The following PTPRM variants were observed in gnomAD, a reference collection of about 807,000 sequenced individuals.
PTPRM encodes the protein receptor-type tyrosine-protein phosphatase mu.
Under a neutral mutation model 186.7 loss-of-function variants are expected in PTPRM, and 47 were observed. That is an observed-to-expected ratio of 0.25 (90% confidence interval 0.20 to 0.32). PTPRM has a LOEUF of 0.32. Ranked by LOEUF, PTPRM falls within the 10% of genes least tolerant of loss-of-function variation. PTPRM has a pLI of 1.00. For synonymous variants in PTPRM, 668 were observed against 674.9 expected, an observed-to-expected ratio of 0.99 and a Z score of 0.16; for missense variants, 1,494 against 1,865.0, an observed-to-expected ratio of 0.80 and a Z score of 3.66.
At chr18:7,961,594 A>G (rs973680693) in intron 7 of PTPRM, among the ~76,000 whole-genome samples, 3 of 152,262 alleles carry the variant, frequency 2.0e-5, no homozygotes, top group Admixed American at 6.5e-5. Context: ...AATGTTTACT[A>G]GTAAAGCATG....
intron 2 of PTPRM, among the ~76,000 whole-genome samples, chr18:7,861,852 AC>A (rs962905062): frequency 2.0e-5 from 3 of 151,914 alleles, no homozygotes; most frequent in African/African-American, 2.4e-5. Flanking sequence ...CTACTCTCTT[AC>A]CCCCACCCTG....
intron 1 of PTPRM, among the ~76,000 whole-genome samples, chr18:7,602,228 A>G (rs1414509449): frequency 6.6e-6 from 1 of 152,178 alleles, no homozygotes; most frequent in East Asian, 1.9e-4. Context: ...TGTTTCTACC[A>G]CTAAGTTGGT....
At chr18:7,902,834 C>CTTT (rs34332223) in intron 3 of PTPRM, among the ~76,000 whole-genome samples, 3,537 of 130,024 alleles carry the variant, frequency 0.027, 154 homozygotes, top group African/African-American at 0.079. Context: ...TCTTCTCTGC[C>CTTT]TTTTTTTTTT....
At chr18:8,265,421 T>G (rs975387174) in intron 19 of PTPRM, among the ~76,000 whole-genome samples, 7 of 152,220 alleles carry the variant, frequency 4.6e-5, no homozygotes, top group African/African-American at 1.7e-4. Flanking sequence ...CCTGGGTTAT[T>G]GCGTGGCTGC....
intron 7 of PTPRM, among the ~76,000 whole-genome samples, chr18:8,067,809 G>T (rs553292360): frequency 2.0e-5 from 3 of 152,152 alleles, no homozygotes; most frequent in Non-Finnish European, 4.4e-5. Flanking sequence ...CTGAACTGGG[G>T]AATGTGGCCT....
chr18:8,289,433 T>C lies in PTPRM; in HGVS notation c.2755-6935T>C, dbSNP rs999742060. Among the ~76,000 whole-genome samples, 23 of 131,952 alleles carry C rather than the reference T, an allele frequency of 1.7e-4. 1 individual carries two copies. Among genetic ancestry groups the C allele is most frequent in the Middle Eastern group, 3.7e-3 (1 of 268 alleles). The allele number at this position is 131,952 out of a possible 152,430, so 86.6% of individuals were successfully genotyped here. A position where few individuals can be genotyped will look rare whatever the true frequency, so the allele number is the denominator to read the frequency against. ...ATATACACATATATACGTATATATA[T>C]GTATATATACGTATATATGTATATA... On this transcript the variant is annotated intron_variant, in intron 19 of 32. Coordinates refer to ENST00000580170, the MANE Select transcript of PTPRM (RefSeq NM_001105244.2).
At chr18:7,658,330 T>A (rs988251701) in intron 1 of PTPRM, among the ~76,000 whole-genome samples, 9 of 124,422 alleles carry the variant, frequency 7.2e-5, no homozygotes, top group South Asian at 2.4e-4. Flanking sequence ...TAAAGTAAAT[T>A]TATATATATA....
chr18:8,016,249 G>A (rs2084850972), intron 7 of PTPRM, among the ~76,000 whole-genome samples: 1 of 152,142 alleles, frequency 6.6e-6, no homozygotes. Context: ...GCCAGGAGTA[G>A]TGGCTCACAC....
chr18:8,276,914 G>T (rs1169599398), intron 19 of PTPRM, among the ~76,000 whole-genome samples: 1 of 151,352 alleles, frequency 6.6e-6, no homozygotes, highest in East Asian at 1.9e-4. Flanking sequence ...CAGAAAAAAA[G>T]GATGATTTGT....
intron 10 of PTPRM, among the ~76,000 whole-genome samples, chr18:8,088,451 A>G (rs2090544321): frequency 6.6e-6 from 1 of 152,134 alleles, no homozygotes; most frequent in South Asian, 2.1e-4. Flanking sequence ...TTCACAAGCT[A>G]TGCTCATTTA....
chr18:7,644,832 G>T (rs1302129093), intron 1 of PTPRM, among the ~76,000 whole-genome samples: 1 of 152,122 alleles, frequency 6.6e-6, no homozygotes, highest in African/African-American at 2.4e-5. Context: ...TACAGTAGAA[G>T]ATGATATACG....
At chr18:8,392,537 G>A (rs964654103) in intron 31 of PTPRM, among the ~76,000 whole-genome samples, 2 of 151,968 alleles carry the variant, frequency 1.3e-5, no homozygotes, top group African/African-American at 2.4e-5. Context: ...TGAGGCAGGA[G>A]AATGGCGTGA....
chr18:8,184,240 C>T (rs1392342788), intron 14 of PTPRM, among the ~76,000 whole-genome samples: 2 of 152,158 alleles, frequency 1.3e-5, no homozygotes, highest in Middle Eastern at 3.2e-3. Flanking sequence ...AGCATTTTGC[C>T]ATTCTGGAGC....
At chr18:8,130,953 G>C (rs978536628) in intron 13 of PTPRM, among the ~76,000 whole-genome samples, 2 of 152,186 alleles carry the variant, frequency 1.3e-5, no homozygotes, top group Admixed American at 1.3e-4. Flanking sequence ...AAAAATGCAC[G>C]TAGAGTAGAG....
chr18:7,679,565 C>T (rs1240343058), intron 1 of PTPRM, among the ~76,000 whole-genome samples: 3 of 152,102 alleles, frequency 2.0e-5, no homozygotes, highest in Non-Finnish European at 4.4e-5. Context: ...TTCGGGAGGC[C>T]GAGGCACGAG....
At chr18:8,313,756 C>T (rs2095287118) in intron 20 of PTPRM, among the ~76,000 whole-genome samples, 1 of 152,160 alleles carries the variant, frequency 6.6e-6, no homozygotes, top group African/African-American at 2.4e-5. Flanking sequence ...CCCCCTTTCC[C>T]CTGAGTCCTC....
At chr18:8,400,555 G>C (rs986635403) in intron 32 of PTPRM, among the ~76,000 whole-genome samples, 2 of 152,154 alleles carry the variant, frequency 1.3e-5, no homozygotes, top group Non-Finnish European at 2.9e-5. Context: ...AGGATCAGCG[G>C]GCCTCTCCCT....
intron 1 of PTPRM, among the ~76,000 whole-genome samples, chr18:7,690,174 G>GT (rs1421524889): frequency 1.3e-5 from 2 of 152,192 alleles, no homozygotes; most frequent in Admixed American, 1.3e-4. Flanking sequence ...AGACTTCTCT[G>GT]TTACCATTCC....
chr18:8,280,658 G>A (rs531346201), intron 19 of PTPRM, among the ~76,000 whole-genome samples: 37 of 152,268 alleles, frequency 2.4e-4, no homozygotes, highest in East Asian at 1.4e-3. Context: ...TCCCAGCCTC[G>A]TTGCAAGTGC....
Sources: gnomAD v4.1 joint callset for allele counts (sites outside exome capture counted in the v4.1 genomes callset) on GRCh38, gnomAD v4.1.1 for gene constraint, MANE v1.5 for transcripts, NCBI Gene and HGNC (gene_info 2026-07-23, HGNC 2026-07-21) for gene names.